Variants in OVCH1 observed in about 807,000 individuals in gnomAD.
OVCH1 encodes ovochymase 1, also known as ovochymase-1.
In OVCH1, 139 loss-of-function variants were observed where a neutral mutation model predicts 138.4. The observed-to-expected ratio is 1.00, with a 90% CI of 0.87 to 1.16. The LOEUF (loss-of-function observed/expected upper bound fraction) is 1.16. OVCH1 is among the 50% of genes most tolerant of loss of function. The pLI, the probability that OVCH1 is intolerant of heterozygous loss-of-function variation, is 0.00. For missense variants in OVCH1, 1,367 were observed against 1,357.9 expected (o/e 1.01, Z -0.11); for synonymous variants, 453 against 467.8 (o/e 0.97, Z 0.41).
chr12:29,495,469 GA>G lies in OVCH1; in HGVS notation c.282-13del. The G allele has an allele frequency of 6.2e-7, 1 of 1,608,108 alleles. No individual in the cohort carries two copies. Among genetic ancestry groups the G allele is most frequent in the Non-Finnish European group, 8.5e-7 (1 of 1,177,920 alleles). ...TCTTCAGCTGCTTCCTAAAACCAAA[GA>G]AAAATGTTTCATAAGTAGTTGTTTC... On this transcript the variant is annotated splice_polypyrimidine_tract_variant and intron_variant, in intron 3 of 27. Coordinates refer to ENST00000318184, the Ensembl canonical transcript of OVCH1.
chr12:29,496,221 G>T, exon 3 of OVCH1: 1 of 1,609,474 alleles, frequency 6.2e-7, no homozygotes, highest in Non-Finnish European at 8.5e-7. Context: ...GTAACAACCC[G>T]ATCTTCTTGA....
intron 18 of OVCH1, among the ~76,000 whole-genome samples, 194 bp from the exon 19 acceptor site, chr12:29,462,202 T>C (rs1335237926): frequency 6.6e-6 from 1 of 152,176 alleles, no homozygotes; most frequent in Non-Finnish European, 1.5e-5. Context: ...CAATTTGGCA[T>C]TTTTGTAAAG....
intron 22 of OVCH1, among the ~76,000 whole-genome samples, chr12:29,450,400 CA>C (rs1338696335): frequency 6.6e-6 from 1 of 152,014 alleles, no homozygotes; most frequent in Non-Finnish European, 1.5e-5. Flanking sequence ...ATGTGGCCAA[CA>C]AACATTTGAA....
chr12:29,461,997 C>T (rs774817349), exon 19 of OVCH1: 11 of 1,611,802 alleles, frequency 6.8e-6, no homozygotes, highest in Middle Eastern at 1.7e-4. Context: ...AGGCGACTTG[C>T]TAGGCCACCA....
chr12:29,405,192 G>GT, the OVCH1 span, among the ~76,000 whole-genome samples: 8 of 152,164 alleles, frequency 5.3e-5, no homozygotes, highest in East Asian at 1.5e-3. Context: ...CGGTTCATTT[G>GT]TTTTTAAGGT....
chr12:29,465,186 A>C (rs367643883), exon 17 of OVCH1: 2 of 1,605,354 alleles, frequency 1.2e-6, no homozygotes, highest in Non-Finnish European at 1.7e-6. Context: ...CATGGTCCCC[A>C]GCAATAATAG....
At position 29,477,135 on chromosome 12, in the gene OVCH1, C is replaced by T; in HGVS notation, c.1344G>A (p.Trp448Ter). The stretch of plus-strand genomic sequence containing the variant: ...TGTGCTTCTCTGGAGCACAAATGAA[C>T]CAATGACACCTTGTGTTACTGGGAT... The change falls in exon 12 of 28, where the codon TGG (tryptophan) becomes TGA (stop). Residue 448 changes from tryptophan to a stop codon, truncating the protein, a stop_gained. Coordinates refer to ENST00000318184, the Ensembl canonical transcript of OVCH1. LOFTEE classifies it high-confidence loss of function. The T allele has an allele frequency of 5.0e-6, 8 of 1,612,632 alleles. No homozygotes were observed. Among genetic ancestry groups the T allele is most frequent in the Non-Finnish European group, 6.8e-6 (8 of 1,179,308 alleles).
exon 23 of OVCH1, chr12:29,445,320 G>C: frequency 1.2e-6 from 2 of 1,611,774 alleles, no homozygotes; most frequent in Non-Finnish European, 1.7e-6. Flanking sequence ...AATGCACCTC[G>C]TACAAGGGCA....
At chr12:29,406,118 GTGTA>G in the OVCH1 span, among the ~76,000 whole-genome samples, 2 of 152,054 alleles carry the variant, frequency 1.3e-5, no homozygotes, top group African/African-American at 4.8e-5. Context: ...AAAAACAATT[GTGTA>G]TGTGTGTCTG....
the OVCH1 span, among the ~76,000 whole-genome samples, chr12:29,403,691 G>A: frequency 6.6e-6 from 1 of 152,158 alleles, no homozygotes; most frequent in African/African-American, 2.4e-5. Flanking sequence ...GTCAATTGAC[G>A]TGCCTGATAA....
intron 6 of OVCH1, among the ~76,000 whole-genome samples, chr12:29,488,578 C>A (rs1270233152): frequency 7.2e-6 from 1 of 139,460 alleles, no homozygotes; most frequent in Non-Finnish European, 1.5e-5. Flanking sequence ...AAGATTGCGC[C>A]ATTGCACACT....
At chr12:29,405,751 G>C in the OVCH1 span, among the ~76,000 whole-genome samples, 2 of 152,190 alleles carry the variant, frequency 1.3e-5, no homozygotes, top group Non-Finnish European at 2.9e-5. Flanking sequence ...ATCAGTTTTT[G>C]ATGATGCAAT....
At chr12:29,444,354 C>G (rs1941562269) in intron 23 of OVCH1, 74 bp from the exon 24 acceptor site, 1 of 1,400,948 alleles carries the variant, frequency 7.1e-7, no homozygotes, top group South Asian at 1.4e-5. Context: ...CTTTTCAGAT[C>G]AAGGTAAACA....
In OVCH1 at chr12:29,454,897, GTT is replaced by G; in HGVS notation, c.2472_2473del (p.Lys824AsnfsTer24). On this transcript the variant is annotated frameshift_variant, in exon 21 of 28. Transcript: ENST00000318184. LOFTEE classifies it high-confidence loss of function. ...GGGTGGTGGCAATTGTTGTTTTAAG[GTT>G]TTGCATTTATTATTTGTCTGAAGTG... is the stretch of plus-strand genomic sequence containing the variant. 6.2e-7 allele frequency: 1 copy of G among 1,612,704 alleles called. No individual in the cohort carries two copies. Among genetic ancestry groups the G allele is most frequent in the East Asian group, 2.2e-5 (1 of 44,822 alleles).
intron 3 of OVCH1, among the ~76,000 whole-genome samples, chr12:29,421,947 A>G (rs1941110468): frequency 6.6e-6 from 1 of 152,100 alleles, no homozygotes; most frequent in African/African-American, 2.4e-5. Context: ...ACTCATTTCT[A>G]CTTCCTTTTC....
At chr12:29,413,132 G>A (rs1940982891) in intron 3 of OVCH1, among the ~76,000 whole-genome samples, 1 of 151,842 alleles carries the variant, frequency 6.6e-6, no homozygotes, top group Non-Finnish European at 1.5e-5. Flanking sequence ...AAAGTGTTGA[G>A]ATTATAGGTG....
chr12:29,417,803 G>C (rs935519742), intron 3 of OVCH1, among the ~76,000 whole-genome samples: 1 of 150,538 alleles, frequency 6.6e-6, no homozygotes, highest in Non-Finnish European at 1.5e-5. Flanking sequence ...GTCTGTGTCT[G>C]TGTGTGTTTT....
At chr12:29,410,677 T>C (rs1439985137), downstream of OVCH1, among the ~76,000 whole-genome samples, 15 of 151,676 alleles carry the variant, frequency 9.9e-5, no homozygotes, top group Non-Finnish European at 7.4e-5. Flanking sequence ...TGCCGAGAGA[T>C]CATCTGTTAG....
chr12:29,406,630 T>C, the OVCH1 span, among the ~76,000 whole-genome samples: 2 of 150,466 alleles, frequency 1.3e-5, no homozygotes, highest in Non-Finnish European at 3.0e-5. Context: ...ACAAAGGACA[T>C]GAACTCATCA....
Sources: gnomAD v4.1 joint callset for allele counts (sites outside exome capture counted in the v4.1 genomes callset) on GRCh38, gnomAD v4.1.1 for gene constraint, MANE v1.5 for transcripts, NCBI Gene and HGNC (gene_info 2026-07-23, HGNC 2026-07-21) for gene names.